The following NALCN variants were observed in gnomAD, a reference collection of about 807,000 sequenced individuals.
The protein encoded by NALCN is sodium leak channel NALCN.
A neutral mutation model predicts 225.3 loss-of-function variants in NALCN; 111 were observed. The ratio of observed to expected loss-of-function variants is 0.49; its 90% CI spans 0.42 to 0.58. NALCN has a LOEUF of 0.58. Among genes scored for constraint, NALCN ranks in the 20% least tolerant of loss-of-function variants. NALCN has a pLI of 0.00. For missense variants in NALCN, 1,378 were observed against 2,202.4 expected, an observed-to-expected ratio of 0.63 and a Z score of 7.49; for synonymous variants, 764 against 769.0, an observed-to-expected ratio of 0.99 and a Z score of 0.11.
chr13:101,294,040 A>G (rs1319819851), intron 7 of NALCN, among the ~76,000 whole-genome samples: 1 of 152,206 alleles, frequency 6.6e-6, no homozygotes, highest in Admixed American at 6.5e-5. Flanking sequence ...TATTATCAAT[A>G]CCATCTTACA....
Position 101,358,277 on chromosome 13 carries a change from A to C in NALCN, c.645-12857T>G, listed in dbSNP as rs1264589171. On this transcript the variant is annotated intron_variant, in intron 6 of 43. Transcript: ENST00000251127. ...GCAACCTACAGAATAGAATAGGAGA[A>C]AATTTTTGCAATCTACCCATCTGAC... Among the ~76,000 whole-genome samples, 3 of 152,218 alleles carry C rather than the reference A, an allele frequency of 2.0e-5. No individual in the cohort carries two copies. The East Asian group carries it at 5.8e-4, about 29-fold the overall frequency.
intron 3 of NALCN, among the ~76,000 whole-genome samples, chr13:101,386,475 G>T (rs1327725048): frequency 1.3e-5 from 2 of 152,058 alleles, no homozygotes; most frequent in African/African-American, 4.8e-5. Context: ...ATAAATGGTT[G>T]CTGGATGACT....
rs531299634 is a variant in NALCN at position 101,414,504 on chromosome 13, T to C, written c.-40+1809A>G. Among the ~76,000 whole-genome samples the C allele has an allele frequency of 5.9e-5, 9 of 151,502 alleles. No homozygotes were observed. In the East Asian group the frequency reaches 1.7e-3, roughly 29 times the overall value. On this transcript the variant is annotated intron_variant, in intron 1 of 43. Transcript: ENST00000251127. The stretch of plus-strand genomic sequence containing the variant: ...CATCATCGATAAATGATAAAACAAA[T>C]GTGTACATTTGTGTATACACATACA...
At chr13:101,139,375 T>TG (rs568610611) in intron 17 of NALCN, among the ~76,000 whole-genome samples, 8 of 152,206 alleles carry the variant, frequency 5.3e-5, no homozygotes, top group Non-Finnish European at 1.0e-4. Context: ...TTCAGGCACC[T>TG]GGGGCTTCAC....
chr13:101,397,113 T>TAC (rs1436305962), intron 2 of NALCN, among the ~76,000 whole-genome samples: 19 of 112,946 alleles, frequency 1.7e-4, no homozygotes, highest in African/African-American at 2.9e-4. Context: ...TATATATACA[T>TAC]ACACATACAT....
rs1309629396 is a variant in NALCN, at chr13:101,254,822, C to T, written c.1266+3621G>A. On this transcript the variant is annotated intron_variant, in intron 11 of 43. Coordinates refer to ENST00000251127, the MANE Select transcript of NALCN (RefSeq NM_052867.4). Reference sequence around the variant, plus strand: ...AGGAGAATGGCGTGAACCCGGGAGGCGGAGCTTGCAGTGAGCCGAGATCCC... The same window carrying T: ...AGGAGAATGGCGTGAACCCGGGAGGTGGAGCTTGCAGTGAGCCGAGATCCC... 3.2e-3 allele frequency among the ~76,000 whole-genome samples: 315 copies of T among 99,546 alleles called. 29 individuals carry two copies. Among genetic ancestry groups the T allele is most frequent in the African/African-American group, 9.4e-3 (277 of 29,412 alleles). 65.3% of individuals were successfully genotyped at this position (99,546 alleles called of 152,430 possible). A position where few individuals can be genotyped will look rare whatever the true frequency, so the allele number is the denominator to read the frequency against.
At chr13:101,216,940 A>C (rs2140096472) in intron 13 of NALCN, among the ~76,000 whole-genome samples, 1 of 152,280 alleles carries the variant, frequency 6.6e-6, no homozygotes, top group South Asian at 2.1e-4. Flanking sequence ...TCATACTAAA[A>C]TTTAAGTACT....
chr13:101,282,546 A>G (rs758084561), intron 10 of NALCN, among the ~76,000 whole-genome samples: 1 of 152,186 alleles, frequency 6.6e-6, no homozygotes, highest in Non-Finnish European at 1.5e-5. Flanking sequence ...CAGTCAAAAG[A>G]TGGCCAAGTT....
At chr13:101,140,671 T>G (rs972900753) in intron 17 of NALCN, among the ~76,000 whole-genome samples, 2 of 152,246 alleles carry the variant, frequency 1.3e-5, no homozygotes, top group African/African-American at 4.8e-5. Flanking sequence ...TCCCACTTGT[T>G]TATCCACTGA....
chr13:101,092,216 T>C (rs1360011220), intron 28 of NALCN, among the ~76,000 whole-genome samples: 1 of 152,180 alleles, frequency 6.6e-6, no homozygotes. Flanking sequence ...GTCAGTTTTT[T>C]ACCTCCCAGA....
chr13:101,061,100 T>C (rs1011648863), intron 41 of NALCN, among the ~76,000 whole-genome samples: 16 of 152,226 alleles, frequency 1.1e-4, no homozygotes, highest in African/African-American at 3.9e-4. Flanking sequence ...AAAGCATTCA[T>C]AAAAGTAATT....
At chr13:101,282,124 C>A (rs2043187456) in intron 10 of NALCN, among the ~76,000 whole-genome samples, 1 of 152,158 alleles carries the variant, frequency 6.6e-6, no homozygotes, top group Admixed American at 6.5e-5. Context: ...AAAAATAGAA[C>A]TACCATATGA....
At chr13:101,136,553 T>C (rs1039721364) in intron 17 of NALCN, among the ~76,000 whole-genome samples, 1 of 151,016 alleles carries the variant, frequency 6.6e-6, no homozygotes, top group African/African-American at 2.4e-5. Flanking sequence ...GAACATGCAG[T>C]ATTTGGTTTT....
chr13:101,122,997 A>G (rs1340040743), intron 18 of NALCN, among the ~76,000 whole-genome samples: 3 of 152,338 alleles, frequency 2.0e-5, no homozygotes, highest in East Asian at 3.9e-4. Flanking sequence ...AATACACGCC[A>G]TAGTTTCCGG....
At chr13:101,317,851 T>C (rs905739411) in intron 7 of NALCN, among the ~76,000 whole-genome samples, 1 of 152,214 alleles carries the variant, frequency 6.6e-6, no homozygotes, top group Non-Finnish European at 1.5e-5. Flanking sequence ...GCATTTATTC[T>C]TTATATATGC....
At chr13:101,235,848 A>G (rs1434119629) in intron 12 of NALCN, among the ~76,000 whole-genome samples, 1 of 152,156 alleles carries the variant, frequency 6.6e-6, no homozygotes, top group African/African-American at 2.4e-5. Context: ...CCAGGTACTA[A>G]AAGTGTCTAG....
chr13:101,124,811 T>C (rs150224358), intron 17 of NALCN, 130 bp from the exon 18 acceptor site: 5 of 829,704 alleles, frequency 6.0e-6, no homozygotes, highest in Admixed American at 5.0e-5. Flanking sequence ...ATCGTACAAT[T>C]GACAATTCTT....
rs187586205 is a variant in NALCN, at chr13:101,068,518, T to C, written c.4330+177A>G. Among the ~76,000 whole-genome samples, 245 of 152,364 alleles carry C rather than the reference T, an allele frequency of 1.6e-3. 1 individual carries two copies. Among genetic ancestry groups the C allele is most frequent in the African/African-American group, 4.7e-3 (195 of 41,584 alleles). On this transcript the variant is annotated intron_variant, in intron 38 of 43. Transcript: ENST00000251127. ...TACAACTCTTAAAATTGCAGTCAAC[T>C]GTCATTTACGTGCCTTTCAAAGGTC... is the stretch of plus-strand genomic sequence containing the variant.
chr13:101,371,981 A>T (rs1210332459), intron 6 of NALCN, among the ~76,000 whole-genome samples: 2 of 152,220 alleles, frequency 1.3e-5, no homozygotes, highest in African/African-American at 4.8e-5. Flanking sequence ...TAATAAGATA[A>T]AAGATGATTA....
Sources: allele counts gnomAD v4.1 joint callset (sites outside exome capture counted in the v4.1 genomes callset), GRCh38; gene constraint gnomAD v4.1.1; transcripts MANE v1.5; gene names NCBI Gene and HGNC (gene_info 2026-07-23, HGNC 2026-07-21).